Variants in ANK3 observed in about 807,000 individuals in gnomAD.
The protein encoded by ANK3 is ankyrin 3, also known as ankyrin-3.
ANK3 carries 57 observed loss-of-function variants against 370.9 expected under a neutral mutation model. The ratio of observed to expected loss-of-function variants is 0.15; its 90% CI spans 0.12 to 0.19. The LOEUF (loss-of-function observed/expected upper bound fraction) is 0.19, where lower values mean the gene tolerates loss of function less well. Ranked by LOEUF, ANK3 falls within the 10% of genes least tolerant of loss-of-function variation. The pLI is 1.00. For missense variants in ANK3, 4,439 were observed against 5,302.1 expected, an observed-to-expected ratio of 0.84 and a Z score of 5.06; for synonymous variants, 1,929 against 1,946.3, an observed-to-expected ratio of 0.99 and a Z score of 0.23.
chr10:60,128,681 T>G (rs1363576362), intron 25 of ANK3, among the ~76,000 whole-genome samples: 6 of 152,056 alleles, frequency 3.9e-5, no homozygotes, highest in Non-Finnish European at 7.4e-5. Context: ...GTGCCTGGAC[T>G]CTTCATCTTT....
chr10:60,174,648 T>G (rs1195228562), intron 18 of ANK3, among the ~76,000 whole-genome samples: 1 of 152,208 alleles, frequency 6.6e-6, no homozygotes, highest in Non-Finnish European at 1.5e-5. Context: ...TTCTTTGAGA[T>G]TTTAGTCAAT....
chr10:60,644,958 G>T (rs2078691180), intron 1 of ANK3, among the ~76,000 whole-genome samples: 1 of 148,602 alleles, frequency 6.7e-6, no homozygotes, highest in Admixed American at 6.8e-5. Context: ...TAAAACTCAG[G>T]TATATTTTTA....
At chr10:60,298,016 C>T (rs1486166023) in intron 1 of ANK3, among the ~76,000 whole-genome samples, 1 of 151,992 alleles carries the variant, frequency 6.6e-6, no homozygotes, top group Non-Finnish European at 1.5e-5. Flanking sequence ...ATATATATAA[C>T]ATAGGAAACA....
At chr10:60,323,521 G>A (rs902324132) in intron 1 of ANK3, among the ~76,000 whole-genome samples, 62 of 152,142 alleles carry the variant, frequency 4.1e-4, no homozygotes, top group Admixed American at 2.3e-3. Flanking sequence ...ATTTTCAGTA[G>A]GCTATTAGAG....
At chr10:60,626,604 T>C (rs1341510394) in intron 1 of ANK3, among the ~76,000 whole-genome samples, 2 of 152,184 alleles carry the variant, frequency 1.3e-5, no homozygotes, top group Non-Finnish European at 2.9e-5. Flanking sequence ...CCAGTTGATT[T>C]AAACCTTCTG....
chr10:60,535,668 T>A (rs2076708061), intron 2 of ANK3, among the ~76,000 whole-genome samples: 1 of 152,040 alleles, frequency 6.6e-6, no homozygotes, highest in Admixed American at 6.6e-5. Context: ...TTGGTGAGGG[T>A]GTTAATTCCC....
At chr10:60,304,274 A>ACG (rs2044474314) in intron 1 of ANK3, among the ~76,000 whole-genome samples, 1 of 152,038 alleles carries the variant, frequency 6.6e-6, no homozygotes. Context: ...ACACACACAC[A>ACG]CACAGCAAAA....
intron 23 of ANK3, among the ~76,000 whole-genome samples, chr10:60,149,078 GC>G (rs767937951): frequency 3.0e-4 from 45 of 152,260 alleles, no homozygotes; most frequent in Non-Finnish European, 5.1e-4. Context: ...CACCCAAATT[GC>G]CTATCATTGT....
At chr10:60,483,664 C>T (rs138169228) in intron 2 of ANK3, among the ~76,000 whole-genome samples, 1 of 152,076 alleles carries the variant, frequency 6.6e-6, no homozygotes, top group Non-Finnish European at 1.5e-5. Flanking sequence ...TTTTGTTAGG[C>T]TTTCGCTTTT....
At chr10:60,655,184 T>C (rs1354704365) in intron 1 of ANK3, among the ~76,000 whole-genome samples, 1 of 151,960 alleles carries the variant, frequency 6.6e-6, no homozygotes, top group Admixed American at 6.6e-5. Flanking sequence ...ATCATCATTT[T>C]AGAGCATACT....
intron 1 of ANK3, among the ~76,000 whole-genome samples, chr10:60,287,796 C>T (rs1333945902): frequency 1.3e-5 from 2 of 152,116 alleles, no homozygotes; most frequent in Non-Finnish European, 2.9e-5. Context: ...TTCTGTGAAG[C>T]CCAAAAGTTT....
At chr10:60,717,497 G>A (rs1334038224) in intron 1 of ANK3, among the ~76,000 whole-genome samples, 2 of 152,122 alleles carry the variant, frequency 1.3e-5, no homozygotes, top group East Asian at 3.9e-4. Context: ...TATTGAACAT[G>A]GATTACCTAA....
chr10:60,122,851 C>G (rs1339762577), intron 25 of ANK3, among the ~76,000 whole-genome samples: 1 of 152,210 alleles, frequency 6.6e-6, no homozygotes, highest in East Asian at 1.9e-4. Flanking sequence ...TATAGTAATA[C>G]ACATAGGATG....
intron 2 of ANK3, among the ~76,000 whole-genome samples, chr10:60,575,890 A>C (rs560087700): frequency 7.2e-5 from 11 of 152,334 alleles, no homozygotes; most frequent in African/African-American, 2.2e-4. Flanking sequence ...AGAAATACGC[A>C]TTCAAAGAAA....
intron 9 of ANK3, among the ~76,000 whole-genome samples, chr10:60,212,782 A>C (rs1346560953): frequency 6.6e-6 from 1 of 152,166 alleles, no homozygotes; most frequent in Non-Finnish European, 1.5e-5. Flanking sequence ...TTAATTAATA[A>C]AAGTAGTAGT....
chr10:60,158,447 T>C lies in ANK3; in HGVS notation c.2614+8144A>G, dbSNP rs150132433. Among the ~76,000 whole-genome samples the C allele has an allele frequency of 3.9e-5, 6 of 152,248 alleles. No homozygotes were observed. The East Asian group carries it at 1.2e-3, about 29-fold the overall frequency. On this transcript the variant is annotated intron_variant, in intron 23 of 43. Coordinates refer to ENST00000280772, the MANE Select transcript of ANK3 (RefSeq NM_020987.5). ...TTGAGATAGATAGTATAAAAAGATG[T>C]AAATAGAGGCAACAAAAGTCAAAAA...
In ANK3 at chr10:60,190,865, T is replaced by A. The variant is rs535372834; in HGVS notation, c.1888-3953A>T. The stretch of plus-strand genomic sequence containing the variant: ...CAAGGCTATAGTAACCAAAACAGCA[T>A]GGCACTGGTATAGAAATATATGCAT... On this transcript the variant is annotated intron_variant, in intron 16 of 43. Transcript: ENST00000280772. Among the ~76,000 whole-genome samples, 7 of 152,226 alleles carry A rather than the reference T, an allele frequency of 4.6e-5. No homozygotes were observed. In the South Asian group the frequency reaches 1.4e-3, roughly 32 times the overall value.
At chr10:60,721,857 T>C (rs1442158302) in intron 1 of ANK3, among the ~76,000 whole-genome samples, 1 of 152,208 alleles carries the variant, frequency 6.6e-6, no homozygotes, top group Non-Finnish European at 1.5e-5. Context: ...GACACCTTCA[T>C]CATAGTTCAT....
chr10:60,103,724 C>T (rs1456314570), intron 28 of ANK3, among the ~76,000 whole-genome samples: 4 of 152,162 alleles, frequency 2.6e-5, no homozygotes, highest in Non-Finnish European at 5.9e-5. Context: ...GACTCCAGTA[C>T]TTGATTCTTT....
Sources: gnomAD v4.1 joint callset for allele counts (sites outside exome capture counted in the v4.1 genomes callset) on GRCh38, gnomAD v4.1.1 for gene constraint, MANE v1.5 for transcripts, NCBI Gene and HGNC (gene_info 2026-07-23, HGNC 2026-07-21) for gene names.